DCLK1: variants seen among roughly 807,000 people sequenced by gnomAD.
DCLK1 encodes doublecortin like kinase 1.
In DCLK1, 16 loss-of-function variants were observed where a neutral mutation model predicts 86.2. The observed-to-expected ratio is 0.19, with a 90% confidence interval of 0.13 to 0.28. The LOEUF is 0.28. Among genes scored for constraint, DCLK1 ranks in the 10% least tolerant of loss-of-function variants. The pLI, the probability that DCLK1 is intolerant of heterozygous loss-of-function variation, is 1.00. For missense variants in DCLK1, 590 were observed against 940.2 expected (o/e 0.63, Z 4.87); for synonymous variants, 369 against 370.5 (o/e 1.00, Z 0.05).
intron 3 of DCLK1, among the ~76,000 whole-genome samples, chr13:36,036,681 ATTAAG>A (rs1032641669): frequency 3.3e-5 from 5 of 152,154 alleles, no homozygotes; most frequent in Admixed American, 6.5e-5. Flanking sequence ...TTATTTACAT[ATTAAG>A]TTATCAGATT....
At chr13:35,849,192 C>T (rs997983478) in intron 6 of DCLK1, 8 of 984,932 alleles carry the variant, frequency 8.1e-6, no homozygotes, top group Non-Finnish European at 9.6e-6. Flanking sequence ...ATTTTATTCA[C>T]TTGTAAAGTG....
chr13:35,924,998 T>C (rs1223985374), intron 4 of DCLK1, among the ~76,000 whole-genome samples: 1 of 152,218 alleles, frequency 6.6e-6, no homozygotes, highest in African/African-American at 2.4e-5. Context: ...ATCTTGCTTT[T>C]TCCAGAAAAA....
At chr13:35,871,793 G>A (rs1335756824) in intron 4 of DCLK1, among the ~76,000 whole-genome samples, 1 of 152,212 alleles carries the variant, frequency 6.6e-6, no homozygotes, top group African/African-American at 2.4e-5. Flanking sequence ...CAAGTTTATT[G>A]CCATGGGTCC....
intron 4 of DCLK1, among the ~76,000 whole-genome samples, chr13:35,892,608 T>G (rs114713867): frequency 6.6e-6 from 1 of 152,158 alleles, no homozygotes; most frequent in African/African-American, 2.4e-5. Context: ...CAAAATATAT[T>G]GAGTATTTTA....
At chr13:36,088,673 G>C (rs1243587399) in intron 3 of DCLK1, among the ~76,000 whole-genome samples, 1 of 152,222 alleles carries the variant, frequency 6.6e-6, no homozygotes, top group Admixed American at 6.5e-5. Context: ...GTGGGTCTGC[G>C]AGACGTGCCG....
intron 8 of DCLK1, among the ~76,000 whole-genome samples, chr13:35,829,459 C>T (rs2153106441): frequency 6.6e-6 from 1 of 152,244 alleles, no homozygotes; most frequent in South Asian, 2.1e-4. Context: ...TAATTAAGAA[C>T]ATGCTTTTAA....
chr13:36,107,370 G>T (rs1371240213), intron 3 of DCLK1, among the ~76,000 whole-genome samples: 4 of 137,650 alleles, frequency 2.9e-5, no homozygotes, highest in Non-Finnish European at 4.6e-5. Flanking sequence ...TTGAGACGGG[G>T]TCTCACTCTG....
intron 4 of DCLK1, among the ~76,000 whole-genome samples, chr13:35,887,610 A>G (rs935796415): frequency 6.6e-6 from 1 of 152,158 alleles, no homozygotes; most frequent in African/African-American, 2.4e-5. Flanking sequence ...CATTCGTATC[A>G]TTTCAAAAAC....
intron 7 of DCLK1, 111 bp from the exon 8 acceptor site, chr13:35,836,252 T>C (rs1869370360): frequency 1.1e-6 from 1 of 938,730 alleles, no homozygotes; most frequent in African/African-American, 1.6e-5. Context: ...AGAATCAATA[T>C]GTCATTCTCT....
At chr13:35,840,028 C>G (rs1279659152) in intron 6 of DCLK1, among the ~76,000 whole-genome samples, 1 of 152,220 alleles carries the variant, frequency 6.6e-6, no homozygotes, top group African/African-American at 2.4e-5. Flanking sequence ...TTCTGTTTCC[C>G]TGGGTTTATC....
chr13:35,930,396 G>A (rs1876364300), intron 4 of DCLK1, among the ~76,000 whole-genome samples: 1 of 152,202 alleles, frequency 6.6e-6, no homozygotes, highest in Non-Finnish European at 1.5e-5. Flanking sequence ...CAGTGTAAGG[G>A]ACAAAACAAT....
chr13:36,067,250 C>A (rs1883789583), intron 3 of DCLK1, among the ~76,000 whole-genome samples: 1 of 143,232 alleles, frequency 7.0e-6, no homozygotes. Context: ...GAGTTCATGT[C>A]CTTTGTAGGG....
chr13:35,932,410 G>A (rs929170038), intron 4 of DCLK1, among the ~76,000 whole-genome samples: 19 of 152,014 alleles, frequency 1.2e-4, no homozygotes, highest in East Asian at 5.8e-4. Flanking sequence ...TATATCTTTC[G>A]TCTATTTCTG....
chr13:35,978,203 CTTTTTTTTTTTTTTTT>C (rs11311688), intron 3 of DCLK1, among the ~76,000 whole-genome samples: 36 of 82,762 alleles, frequency 4.3e-4, no homozygotes, highest in African/African-American at 1.7e-3. Context: ...CTTTTCTTTT[CTTTTTTTTTTTTTTTT>C]TTTTTTTGAC....
At chr13:36,092,784 C>T (rs915462213) in intron 3 of DCLK1, among the ~76,000 whole-genome samples, 30 of 151,574 alleles carry the variant, frequency 2.0e-4, no homozygotes, top group African/African-American at 7.2e-4. Flanking sequence ...CCGCGCCCGG[C>T]CGCGAGAGGC....
At chr13:35,870,541 C>A (rs1473045932) in intron 5 of DCLK1, among the ~76,000 whole-genome samples, 1 of 152,150 alleles carries the variant, frequency 6.6e-6, no homozygotes, top group African/African-American at 2.4e-5. Flanking sequence ...TAATAATTCC[C>A]AATACAATTT....
chr13:36,131,698 G>A (rs1305814043), upstream of DCLK1, among the ~76,000 whole-genome samples: 2 of 152,226 alleles, frequency 1.3e-5, no homozygotes, highest in African/African-American at 2.4e-5. Flanking sequence ...AGTGTGCAAG[G>A]CACAGAGGTG....
chr13:35,916,722 T>C (rs1471435070), intron 4 of DCLK1, among the ~76,000 whole-genome samples: 2 of 152,132 alleles, frequency 1.3e-5, no homozygotes, highest in African/African-American at 4.8e-5. Flanking sequence ...TGCATACATA[T>C]TACATATGTG....
chr13:36,116,757 T>C (rs1885806307), intron 2 of DCLK1, among the ~76,000 whole-genome samples: 1 of 152,370 alleles, frequency 6.6e-6, no homozygotes, highest in African/African-American at 2.4e-5. Context: ...TTAAAAACTC[T>C]GGCAATTAAA....
Sources: gnomAD v4.1 joint callset for allele counts (sites outside exome capture counted in the v4.1 genomes callset) on GRCh38, gnomAD v4.1.1 for gene constraint, MANE v1.5 for transcripts, NCBI Gene and HGNC (gene_info 2026-07-23, HGNC 2026-07-21) for gene names.